FAM13A: variants seen among roughly 807,000 people sequenced by gnomAD.
FAM13A encodes the protein protein FAM13A.
FAM13A carries 76 observed loss-of-function variants against 129.6 expected under a neutral mutation model. The observed-to-expected ratio is 0.59, with a 90% CI of 0.49 to 0.71. The LOEUF is 0.71. FAM13A is among the 30% of genes least tolerant of loss of function. The pLI is 0.00. For missense variants in FAM13A, 1,108 were observed against 1,249.3 expected (o/e 0.89, Z 1.70); for synonymous variants, 443 against 449.9 (o/e 0.98, Z 0.20).
intron 1 of FAM13A, among the ~76,000 whole-genome samples, chr4:89,054,342 C>T (rs1771963967): frequency 6.6e-6 from 1 of 151,742 alleles, no homozygotes; most frequent in African/African-American, 2.4e-5. Flanking sequence ...ATATCTAGTA[C>T]TCATTATACT....
chr4:88,838,243 A>G (rs1411263216), intron 7 of FAM13A, among the ~76,000 whole-genome samples: 1 of 152,228 alleles, frequency 6.6e-6, no homozygotes, highest in Non-Finnish European at 1.5e-5. Context: ...TTGAAACAAA[A>G]GTTTTGAAGA....
chr4:89,034,168 T>G (rs1318517298), intron 1 of FAM13A, among the ~76,000 whole-genome samples: 2 of 152,156 alleles, frequency 1.3e-5, no homozygotes, highest in East Asian at 3.8e-4. Flanking sequence ...GAGGAAATAT[T>G]TGCAAACTAT....
intron 5 of FAM13A, among the ~76,000 whole-genome samples, chr4:88,919,465 T>G (rs1489741050): frequency 1.3e-5 from 2 of 152,228 alleles, no homozygotes; most frequent in African/African-American, 4.8e-5. Flanking sequence ...TGTTGTAATT[T>G]AATGGATGTT....
At chr4:88,997,381 A>C (rs1397112555) in intron 3 of FAM13A, among the ~76,000 whole-genome samples, 1 of 152,160 alleles carries the variant, frequency 6.6e-6, no homozygotes. Flanking sequence ...GAAAGTTCTC[A>C]TTTGTTGTTG....
intron 7 of FAM13A, among the ~76,000 whole-genome samples, chr4:88,825,464 G>A (rs1318615401): frequency 3.9e-5 from 6 of 151,976 alleles, no homozygotes; most frequent in Non-Finnish European, 5.9e-5. Flanking sequence ...TGATCCACCT[G>A]CCTCAGCCTC....
At chr4:88,939,354 G>A (rs555461824) in intron 4 of FAM13A, among the ~76,000 whole-genome samples, 6 of 151,972 alleles carry the variant, frequency 3.9e-5, no homozygotes, top group African/African-American at 9.7e-5. Flanking sequence ...ACCATCACAC[G>A]GCCTTCTCTA....
intron 13 of FAM13A, among the ~76,000 whole-genome samples, chr4:88,766,227 A>C (rs947008225): frequency 1.3e-5 from 2 of 152,218 alleles, no homozygotes; most frequent in Non-Finnish European, 2.9e-5. Flanking sequence ...TGCTGTGAGC[A>C]GAGGAAGATG....
rs189648454 is a variant in FAM13A at position 88,931,031 on chromosome 4, C to A, written c.759+7057G>T. Among the ~76,000 whole-genome samples the A allele has an allele frequency of 6.6e-5, 10 of 152,168 alleles. No homozygotes were observed. In the East Asian group the frequency reaches 1.7e-3, roughly 27 times the overall value. On this transcript the variant is annotated intron_variant, in intron 5 of 23. Coordinates refer to ENST00000264344, the MANE Select transcript of FAM13A (RefSeq NM_014883.4). ...TCAAAATGGTGCCTTGGGCCTGGGA[C>A]CAGAAAGAGTGGGGTCCCTCTCAGG...
At chr4:89,022,474 G>A (rs1767404318) in intron 2 of FAM13A, among the ~76,000 whole-genome samples, 1 of 152,122 alleles carries the variant, frequency 6.6e-6, no homozygotes, top group Non-Finnish European at 1.5e-5. Flanking sequence ...GAAAAAAATT[G>A]TGACACTAGG....
In FAM13A at chr4:89,010,967, C is replaced by T. The variant is rs190464598; in HGVS notation, c.427+9493G>A. The stretch of plus-strand genomic sequence containing the variant: ...GGCTCAAGCGATTTTCCTGCCTCAG[C>T]CTTCTGAGTAGCTGGGATTACAGGC... On this transcript the variant is annotated intron_variant, in intron 3 of 23. Transcript: ENST00000264344. Among the ~76,000 whole-genome samples the T allele has an allele frequency of 2.4e-4, 36 of 152,264 alleles. 1 individual carries two copies. The East Asian group carries it at 6.0e-3, about 25-fold the overall frequency.
chr4:88,916,526 T>C (rs994389019), intron 5 of FAM13A, among the ~76,000 whole-genome samples: 1 of 152,252 alleles, frequency 6.6e-6, no homozygotes, highest in Non-Finnish European at 1.5e-5. Flanking sequence ...TAACCCACCA[T>C]GCTTTCTCAT....
intron 5 of FAM13A, among the ~76,000 whole-genome samples, chr4:88,907,992 T>G (rs1412426575): frequency 6.6e-6 from 1 of 152,244 alleles, no homozygotes; most frequent in Non-Finnish European, 1.5e-5. Flanking sequence ...TTCTCAGGTT[T>G]GTGCTAGGGA....
rs2150233154 is a variant in FAM13A at position 88,906,468 on chromosome 4, A to G, written c.760-6T>C. 6.4e-7 allele frequency: 1 copy of G among 1,568,666 alleles called. No individual in the cohort carries two copies. The highest frequency in any genetic ancestry group is 2.2e-5 in the East Asian group (1 of 44,452). The stretch of plus-strand genomic sequence containing the variant: ...GAGTTCTTATAATAGACCTCCTACA[A>G]AAGAAGTATAAAGGAAACATTAGAG... On this transcript the variant is annotated splice_region_variant and splice_polypyrimidine_tract_variant and intron_variant, in intron 5 of 23. Transcript: ENST00000264344.
At chr4:88,801,590 A>G (rs934189837) in intron 8 of FAM13A, among the ~76,000 whole-genome samples, 2 of 152,222 alleles carry the variant, frequency 1.3e-5, no homozygotes, top group Admixed American at 1.3e-4. Flanking sequence ...TTAGGTAAGC[A>G]AGGACCAAGT....
chr4:88,951,148 GA>G (rs1331308746), intron 4 of FAM13A, among the ~76,000 whole-genome samples: 8 of 152,108 alleles, frequency 5.3e-5, no homozygotes, highest in Admixed American at 1.3e-4. Context: ...GACCTCTCTG[GA>G]AACCTTCCCA....
At chr4:89,028,732 C>A (rs1295744306) in intron 2 of FAM13A, among the ~76,000 whole-genome samples, 1 of 149,872 alleles carries the variant, frequency 6.7e-6, no homozygotes, top group Non-Finnish European at 1.5e-5. Flanking sequence ...TGTAACTAAC[C>A]TGCACAATGT....
intron 6 of FAM13A, among the ~76,000 whole-genome samples, chr4:88,853,035 G>A (rs1159709745): frequency 6.6e-6 from 1 of 152,114 alleles, no homozygotes; most frequent in East Asian, 1.9e-4. Flanking sequence ...ATAAAAGCTA[G>A]TTTTTATTAT....
At chr4:88,791,592 G>A (rs1725166952) in intron 8 of FAM13A, among the ~76,000 whole-genome samples, 1 of 152,082 alleles carries the variant, frequency 6.6e-6, no homozygotes, top group Admixed American at 6.6e-5. Flanking sequence ...CTTTAGTCGT[G>A]TCAAACTATA....
Position 88,732,032 on chromosome 4 carries a change from G to T in FAM13A, c.2813C>A (p.Thr938Lys), listed in dbSNP as rs1423819931. Residue 938 changes from threonine to lysine, a missense_variant, in exon 22 of 24, where the codon ACA (threonine) becomes AAA (lysine). Physicochemically the swap from Thr to Lys is moderately conservative, Grantham distance 78 (BLOSUM62 -1). This residue lies in a region of FAM13A where 529 missense variants were observed against 621.2 expected (regional missense o/e 0.85). Transcript: ENST00000264344. Reference protein sequence around the residue: ...DKIPSKCSQDTGLSNLHAASI... With the variant: ...DKIPSKCSQDKGLSNLHAASI... ...GGCAGCATGGAGATTTGAAAGCCCT[G>T]TGTCCTGGCTGCATTTTGATGGTAT... 6.2e-7 allele frequency: 1 copy of T among 1,613,408 alleles called. No homozygotes were observed. The highest frequency in any genetic ancestry group is 1.7e-5 in the Admixed American group (1 of 59,900).
Sources: allele counts gnomAD v4.1 joint callset (sites outside exome capture counted in the v4.1 genomes callset), GRCh38; gene constraint gnomAD v4.1.1; regional missense constraint gnomAD v4.1.1; transcripts MANE v1.5; gene names NCBI Gene and HGNC (gene_info 2026-07-23, HGNC 2026-07-21).